SDK1: variants seen among roughly 807,000 people sequenced by gnomAD.
The protein encoded by SDK1 is sidekick cell adhesion molecule 1.
SDK1 carries 157 observed loss-of-function variants against 245.5 expected under a neutral mutation model. The ratio of observed to expected loss-of-function variants is 0.64; its 90% confidence interval spans 0.56 to 0.73. SDK1 has a LOEUF of 0.73. SDK1 is among the 30% of genes least tolerant of loss of function. SDK1 has a pLI of 0.00. For synonymous variants in SDK1, 1,647 were observed against 1,278.5 expected, an observed-to-expected ratio of 1.29 and a Z score of -6.15; for missense variants, 3,583 against 3,002.3, an observed-to-expected ratio of 1.19 and a Z score of -4.52.
At chr7:4,170,311 G>T (rs1781757061) in intron 32 of SDK1, among the ~76,000 whole-genome samples, 1 of 152,120 alleles carries the variant, frequency 6.6e-6, no homozygotes, top group Non-Finnish European at 1.5e-5. Flanking sequence ...GCCTGGTGTG[G>T]TGGTGCAGGT....
intron 1 of SDK1, among the ~76,000 whole-genome samples, chr7:3,515,519 T>A (rs751612256): frequency 2.0e-5 from 3 of 152,212 alleles, no homozygotes; most frequent in Non-Finnish European, 4.4e-5. Flanking sequence ...CTGTCCTTTT[T>A]AATTTATGCT....
intron 14 of SDK1, among the ~76,000 whole-genome samples, chr7:4,010,153 C>T (rs1785820884): frequency 6.6e-6 from 1 of 152,234 alleles, no homozygotes; most frequent in South Asian, 2.1e-4. Context: ...CTTGAAAATT[C>T]AGTTCAGGCA....
chr7:3,869,746 C>CA (rs1780913317), intron 5 of SDK1, among the ~76,000 whole-genome samples: 1 of 152,224 alleles, frequency 6.6e-6, no homozygotes. Context: ...CTCTCTCAGG[C>CA]AGTCCACTGC....
chr7:3,449,220 C>T (rs1432480170), intron 1 of SDK1, among the ~76,000 whole-genome samples: 1 of 152,180 alleles, frequency 6.6e-6, no homozygotes, highest in Non-Finnish European at 1.5e-5. Flanking sequence ...GCTGCACCTA[C>T]AGAGAGATCT....
rs79603696 is a variant in SDK1, at chr7:3,980,015, G to T, written c.1994+5470G>T. Among the ~76,000 whole-genome samples, 518 of 152,250 alleles carry T rather than the reference G, an allele frequency of 3.4e-3. 3 individuals are homozygous for T. Among genetic ancestry groups the T allele is most frequent in the African/African-American group, 0.012 (492 of 41,532 alleles). On this transcript the variant is annotated intron_variant, in intron 13 of 44. Coordinates refer to ENST00000404826, the MANE Select transcript of SDK1 (RefSeq NM_152744.4). Reference sequence around the variant, plus strand: ...TAAAACCAGTTCTGACAGAGCCCTCGTAAGGAGTGAAGAATTTAATACTGT... The same window carrying T: ...TAAAACCAGTTCTGACAGAGCCCTCTTAAGGAGTGAAGAATTTAATACTGT...
chr7:3,319,633 A>G (rs976545813), intron 1 of SDK1, among the ~76,000 whole-genome samples: 2 of 152,082 alleles, frequency 1.3e-5, no homozygotes, highest in Admixed American at 6.5e-5. Flanking sequence ...TGTATACTGC[A>G]TTGATGAAGG....
intron 4 of SDK1, among the ~76,000 whole-genome samples, chr7:3,806,849 C>T: frequency 6.6e-6 from 1 of 152,002 alleles, no homozygotes; most frequent in East Asian, 1.9e-4. Context: ...CAGTTTTTTC[C>T]CGTTTTTATT....
At chr7:3,431,708 T>C (rs1261450443) in intron 1 of SDK1, among the ~76,000 whole-genome samples, 1 of 152,168 alleles carries the variant, frequency 6.6e-6, no homozygotes, top group African/African-American at 2.4e-5. Flanking sequence ...AGCTCTGAGA[T>C]ATGAACTGTT....
intron 40 of SDK1, among the ~76,000 whole-genome samples, chr7:4,232,488 C>G (rs2128235707): frequency 7.4e-6 from 1 of 135,992 alleles, no homozygotes; most frequent in South Asian, 2.4e-4. Context: ...GATAGAGTCT[C>G]ACTCTGTTAC....
rs768865611 is a variant in SDK1 at position 4,241,839 on chromosome 7, A to G, written c.6177A>G (p.Gly2059=). 17 of 1,614,036 alleles carry G rather than the reference A, an allele frequency of 1.1e-5. 1 individual carries two copies. The Admixed American group carries it at 2.3e-4, about 22-fold the overall frequency. ...AGGAGTCTGTGACCCTGGACAACGG[A>G]GGATTTGCTGCCCTGGAGCTCAGCA... ...TMEESVTLDN[G]GFAALELSSR... is the part of the protein sequence containing the mutation. The change falls in exon 43 of 45, where the codon GGA becomes GGG. Residue 2059 remains glycine (G), a synonymous_variant. Coordinates refer to ENST00000404826, the MANE Select transcript of SDK1 (RefSeq NM_152744.4).
At chr7:3,812,569 C>G (rs879359476) in intron 4 of SDK1, among the ~76,000 whole-genome samples, 2 of 152,178 alleles carry the variant, frequency 1.3e-5, no homozygotes, top group Non-Finnish European at 2.9e-5. Flanking sequence ...CAATGACTCT[C>G]CTAGAAAAGG....
At chr7:4,107,122 G>C (rs1051433341) in intron 22 of SDK1, among the ~76,000 whole-genome samples, 1 of 135,654 alleles carries the variant, frequency 7.4e-6, no homozygotes, top group Non-Finnish European at 1.6e-5. Context: ...AGGGTGGGGA[G>C]GGTGGGGAGG....
chr7:4,146,318 C>T (rs928440680), intron 29 of SDK1, among the ~76,000 whole-genome samples: 7 of 151,648 alleles, frequency 4.6e-5, no homozygotes, highest in Non-Finnish European at 1.0e-4. Flanking sequence ...ACACTTTCAG[C>T]CTCACAGCTG....
chr7:3,801,643 C>A (rs1327047092), intron 4 of SDK1, among the ~76,000 whole-genome samples: 1 of 152,114 alleles, frequency 6.6e-6, no homozygotes, highest in Admixed American at 6.6e-5. Context: ...TTGATAAGGA[C>A]CCTGAGCAAG....
rs542685100 is a variant in SDK1 at position 4,149,273 on chromosome 7, C to G, written c.4435C>G (p.Pro1479Ala). The G allele has an allele frequency of 4.9e-4, 755 of 1,528,610 alleles. 12 individuals are homozygous for G. The South Asian group carries it at 9.1e-3, about 18-fold the overall frequency. The allele number at this position is 1,528,610 out of a possible 1,614,324, so 94.7% of individuals were successfully genotyped here. A position where few individuals can be genotyped will look rare whatever the true frequency, so the allele number is the denominator to read the frequency against. The stretch of plus-strand genomic sequence containing the variant: ...TCATTTGGTTGCAGAGCGGCCGGCA[C>G]CCCCCAGAGAGCTCCTGGTGCCCCA... Reference protein sequence around the residue: ...ITTEKRERPAPPRELLVPQAE... With the variant: ...ITTEKRERPAAPRELLVPQAE... Residue 1479 changes from proline (P) to alanine (A), a missense_variant, in exon 30 of 45, where the codon CCC becomes GCC. By Grantham distance (27) the Pro-to-Ala change is conservative. Coordinates refer to ENST00000404826, the MANE Select transcript of SDK1 (RefSeq NM_152744.4).
chr7:3,573,549 G>A (rs1780184159), intron 1 of SDK1, among the ~76,000 whole-genome samples: 1 of 152,096 alleles, frequency 6.6e-6, no homozygotes, highest in Non-Finnish European at 1.5e-5. Flanking sequence ...ACCTCGGGAA[G>A]AAGTGAGTCA....
intron 4 of SDK1, among the ~76,000 whole-genome samples, chr7:3,710,697 G>A (rs1785024440): frequency 6.6e-6 from 1 of 152,196 alleles, no homozygotes; most frequent in African/African-American, 2.4e-5. Context: ...GTTATCACTT[G>A]ACCTAAAGGG....
chr7:3,792,850 A>G (rs1562447120), intron 4 of SDK1, among the ~76,000 whole-genome samples: 1 of 152,134 alleles, frequency 6.6e-6, no homozygotes, highest in Non-Finnish European at 1.5e-5. Flanking sequence ...AGGACCATTG[A>G]TGGTTCCTGC....
At chr7:4,102,793 G>C (rs1438631578) in intron 22 of SDK1, among the ~76,000 whole-genome samples, 1 of 152,104 alleles carries the variant, frequency 6.6e-6, no homozygotes, top group Non-Finnish European at 1.5e-5. Flanking sequence ...GGGCAAGCTG[G>C]GGCTGCGTGG....
Sources: gnomAD v4.1 joint callset for allele counts (sites outside exome capture counted in the v4.1 genomes callset) on GRCh38, gnomAD v4.1.1 for gene constraint, MANE v1.5 for transcripts, NCBI Gene and HGNC (gene_info 2026-07-23, HGNC 2026-07-21) for gene names.